Variants in AKAP7 observed in about 807,000 individuals in gnomAD.
AKAP7 encodes the protein A kinase (PRKA) anchor protein 7.
A neutral mutation model predicts 39.5 loss-of-function variants in AKAP7; 39 were observed. The ratio of observed to expected loss-of-function variants is 0.99; its 90% CI spans 0.76 to 1.29. The LOEUF is 1.29. AKAP7 is among the 50% of genes most tolerant of loss of function. The probability of loss-of-function intolerance (pLI) is 0.00; values close to 1 mark genes in which losing one functional copy is unlikely to be tolerated. For synonymous variants in AKAP7, 140 were observed against 139.1 expected, an observed-to-expected ratio of 1.01 and a Z score of -0.05; for missense variants, 414 against 407.7, an observed-to-expected ratio of 1.02 and a Z score of -0.13.
intron 3 of AKAP7, 119 bp from the exon 4 acceptor site, chr6:131,164,962 T>G (rs938195749): frequency 7.8e-5 from 59 of 755,278 alleles, no homozygotes; most frequent in Non-Finnish European, 1.2e-4. Flanking sequence ...TGAAGAATCT[T>G]AACATTGTTC....
intron 7 of AKAP7, among the ~76,000 whole-genome samples, chr6:131,249,287 T>A (rs1213093487): frequency 6.6e-6 from 1 of 152,190 alleles, no homozygotes; most frequent in African/African-American, 2.4e-5. Context: ...ATTATCAAAA[T>A]TCTATCTTTC....
rs529016712 is a variant in AKAP7, at chr6:131,254,174, T to C, written c.851-27356T>C. On this transcript the variant is annotated intron_variant, in intron 7 of 7. Coordinates refer to ENST00000431975, the MANE Select transcript of AKAP7 (RefSeq NM_016377.4). ...GTAGAATACACTGCCAATAAATTCA[T>C]GTTTCTTGGAAGATTAGGCTCTTTC... Among the ~76,000 whole-genome samples, 19 of 152,342 alleles carry C rather than the reference T, an allele frequency of 1.2e-4. No individual in the cohort carries two copies. The South Asian group carries it at 3.7e-3, about 30-fold the overall frequency.
At chr6:131,173,009 G>A (rs900200322) in intron 5 of AKAP7, among the ~76,000 whole-genome samples, 2 of 151,964 alleles carry the variant, frequency 1.3e-5, no homozygotes, top group African/African-American at 4.8e-5. Flanking sequence ...CTGGAGACCA[G>A]CCTGGCCAAT....
chr6:131,241,759 A>G (rs1811645556), intron 7 of AKAP7, among the ~76,000 whole-genome samples: 1 of 151,970 alleles, frequency 6.6e-6, no homozygotes, highest in Non-Finnish European at 1.5e-5. Context: ...GTTACCTGAG[A>G]TATGTATTGT....
chr6:131,236,750 C>G (rs1036076637), intron 7 of AKAP7, among the ~76,000 whole-genome samples: 10 of 152,152 alleles, frequency 6.6e-5, no homozygotes, highest in East Asian at 1.9e-4. Context: ...TTTGCACATT[C>G]ATTTTGTATC....
chr6:131,181,680 T>G (rs772532931), intron 5 of AKAP7, among the ~76,000 whole-genome samples: 1 of 152,186 alleles, frequency 6.6e-6, no homozygotes, highest in Non-Finnish European at 1.5e-5. Context: ...TTGTCCATGC[T>G]GCACCCATTG....
Position 131,281,497 on chromosome 6 carries a change from T to C in AKAP7, c.851-33T>C. ...GCCAAGTTTCTATGGCAATGTGATC[T>C]CAGTGACCTCTCTTCTCTATTGTGG... On this transcript the variant is annotated intron_variant, in intron 7 of 7. Transcript: ENST00000431975. The surrounding 1 kb of genome is among the most constrained non-coding windows in gnomAD (Gnocchi z 4.0). 1 of 1,516,258 alleles carries C rather than the reference T, an allele frequency of 6.6e-7. No homozygotes were observed. The highest frequency in any genetic ancestry group is 2.4e-5 in the East Asian group (1 of 41,668). 93.9% of individuals were successfully genotyped at this position (1,516,258 alleles called of 1,614,324 possible).
rs778358585 is a variant in AKAP7 at position 131,240,898 on chromosome 6, CCCTGCACCCACTGT to C, written c.850+21121_850+21134del. On this transcript the variant is annotated intron_variant, in intron 7 of 7. Coordinates refer to ENST00000431975, the MANE Select transcript of AKAP7 (RefSeq NM_016377.4). ...GCCCTGCTTCAGCTCACGCTCAGTG[CCCTGCACCCACTGT>C]CCTGCACCCACTGTCCTGCACCCAC... 1.3e-3 allele frequency among the ~76,000 whole-genome samples: 202 copies of C among 152,180 alleles called. 2 individuals carry two copies. The highest frequency in any genetic ancestry group is 1.5e-3 in the Non-Finnish European group (99 of 68,014).
At chr6:131,177,472 C>G (rs1804694885) in intron 5 of AKAP7, among the ~76,000 whole-genome samples, 1 of 152,148 alleles carries the variant, frequency 6.6e-6, no homozygotes. Flanking sequence ...TGAGAGCGTA[C>G]TCTTTAGTAA....
At chr6:131,178,500 C>T (rs919071829) in intron 5 of AKAP7, among the ~76,000 whole-genome samples, 2 of 152,228 alleles carry the variant, frequency 1.3e-5, no homozygotes, top group Admixed American at 1.3e-4. Flanking sequence ...TAGCATCCTA[C>T]ACCCATACAC....
intron 5 of AKAP7, among the ~76,000 whole-genome samples, chr6:131,198,567 T>G (rs1170230675): frequency 6.6e-6 from 1 of 152,172 alleles, no homozygotes; most frequent in African/African-American, 2.4e-5. Flanking sequence ...CAGAGTTAAT[T>G]ATTCCCCACT....
intron 2 of AKAP7, among the ~76,000 whole-genome samples, chr6:131,149,747 T>C (rs1801772086): frequency 6.6e-6 from 1 of 152,222 alleles, no homozygotes. Flanking sequence ...CCTGGTTGAC[T>C]TGGATGGGGT....
intron 7 of AKAP7, among the ~76,000 whole-genome samples, chr6:131,241,577 A>ATATGTGTG (rs1349874555): frequency 2.6e-4 from 21 of 81,286 alleles, no homozygotes; most frequent in African/African-American, 7.5e-4. Flanking sequence ...GATTATATAT[A>ATATGTGTG]TGTGTGTGTG....
chr6:131,253,627 A>G (rs1266293389), intron 7 of AKAP7, among the ~76,000 whole-genome samples: 2 of 151,950 alleles, frequency 1.3e-5, no homozygotes, highest in African/African-American at 4.8e-5. Context: ...GCCTCTGGTA[A>G]CCATCATTCC....
chr6:131,184,994 G>C, intron 5 of AKAP7: 1 of 763,130 alleles, frequency 1.3e-6, no homozygotes, highest in Non-Finnish European at 2.4e-6. Flanking sequence ...CATCATCGAG[G>C]TCATCCAGGA....
chr6:131,273,669 A>T (rs1360637456), intron 7 of AKAP7, among the ~76,000 whole-genome samples: 1 of 152,148 alleles, frequency 6.6e-6, no homozygotes, highest in Non-Finnish European at 1.5e-5. Flanking sequence ...TACCCACTTA[A>T]AGCAGTTCTC....
chr6:131,247,279 ATATATATATATATATATAT>A (rs1812084370), intron 7 of AKAP7, among the ~76,000 whole-genome samples: 1 of 25,614 alleles, frequency 3.9e-5, no homozygotes, highest in Non-Finnish European at 9.3e-5. Context: ...GTATATATAT[ATATATATATATATATATAT>A]ATATATATAT....
intron 7 of AKAP7, among the ~76,000 whole-genome samples, chr6:131,272,158 A>T (rs923210295): frequency 5.9e-5 from 9 of 152,146 alleles, no homozygotes; most frequent in Non-Finnish European, 2.9e-5. Flanking sequence ...CTTCACATAA[A>T]ATTGTTTATA....
At chr6:131,199,857 GA>G in intron 6 of AKAP7, 1 of 370,896 alleles carries the variant, frequency 2.7e-6, no homozygotes, top group Non-Finnish European at 4.9e-6. Context: ...GAAGAGCCTC[GA>G]GGTGGTGCCA....
Sources: gnomAD v4.1 joint callset for allele counts (sites outside exome capture counted in the v4.1 genomes callset) on GRCh38, gnomAD v4.1.1 for gene constraint, Gnocchi (gnomAD v3.1) non-coding constraint, MANE v1.5 for transcripts, NCBI Gene and HGNC (gene_info 2026-07-23, HGNC 2026-07-21) for gene names.